Variants in ANKRD30A observed in about 807,000 individuals in gnomAD.
ANKRD30A encodes ankyrin repeat domain-containing protein 30A.
In ANKRD30A, 170 loss-of-function variants were observed where a neutral mutation model predicts 166.3. The ratio of observed to expected loss-of-function variants is 1.02; its 90% CI spans 0.90 to 1.16. The LOEUF is 1.16. ANKRD30A is among the 50% of genes most tolerant of loss of function. ANKRD30A has a pLI of 0.00. For missense variants in ANKRD30A, 1,630 were observed against 1,518.0 expected (o/e 1.07, Z -1.23); for synonymous variants, 564 against 508.9 (o/e 1.11, Z -1.46).
chr10:37,171,627 GT>G (rs934246373), intron 21 of ANKRD30A, among the ~76,000 whole-genome samples: 1 of 151,706 alleles, frequency 6.6e-6, no homozygotes, highest in African/African-American at 2.4e-5. Flanking sequence ...AGGTTTTAAA[GT>G]GCCAAATAAC....
the ANKRD30A span, among the ~76,000 whole-genome samples, chr10:37,244,803 C>T: frequency 6.6e-6 from 1 of 152,194 alleles, no homozygotes; most frequent in Non-Finnish European, 1.5e-5. Context: ...TATTCTATTT[C>T]ACCCACCATT....
At chr10:37,231,917 G>A (rs1418610662) in intron 35 of ANKRD30A, among the ~76,000 whole-genome samples, 2 of 151,966 alleles carry the variant, frequency 1.3e-5, no homozygotes, top group Non-Finnish European at 2.9e-5. Context: ...AACACATTTT[G>A]AATTGCTTTA....
the ANKRD30A span, among the ~76,000 whole-genome samples, chr10:37,255,109 G>A: frequency 6.6e-6 from 1 of 152,100 alleles, no homozygotes; most frequent in African/African-American, 2.4e-5. Context: ...CAAACCCAAG[G>A]CCATAAAGGT....
chr10:37,203,784 GC>G (rs1183705865), intron 31 of ANKRD30A, among the ~76,000 whole-genome samples: 2 of 152,188 alleles, frequency 1.3e-5, no homozygotes, highest in African/African-American at 4.8e-5. Context: ...AGCAGCATCA[GC>G]AAAGTCTCAG....
chr10:37,164,497 C>T (rs548525329), intron 17 of ANKRD30A, among the ~76,000 whole-genome samples: 1 of 152,100 alleles, frequency 6.6e-6, no homozygotes, highest in East Asian at 1.9e-4. Context: ...TGAAGCAGTT[C>T]TTAATTTATA....
At chr10:37,229,350 G>A (rs1254207187) in intron 34 of ANKRD30A, among the ~76,000 whole-genome samples, 1 of 151,834 alleles carries the variant, frequency 6.6e-6, no homozygotes, top group African/African-American at 2.4e-5. Flanking sequence ...GAGATGAATT[G>A]TTTTATATTT....
At chr10:37,132,134 A>T in intron 3 of ANKRD30A, 106 bp from the exon 4 acceptor site, 1 of 724,738 alleles carries the variant, frequency 1.4e-6, no homozygotes, top group East Asian at 3.1e-5. Context: ...CTATTGATTT[A>T]CTTTCTATTT....
chr10:37,206,801 A>C (rs1842019137), intron 31 of ANKRD30A, among the ~76,000 whole-genome samples: 1 of 151,646 alleles, frequency 6.6e-6, no homozygotes, highest in Admixed American at 6.6e-5. Flanking sequence ...TCTCAAAAAA[A>C]ATAAAAATGA....
intron 31 of ANKRD30A, among the ~76,000 whole-genome samples, chr10:37,214,004 G>T (rs892883355): frequency 1.3e-5 from 2 of 151,524 alleles, no homozygotes; most frequent in Admixed American, 1.3e-4. Flanking sequence ...TGAGTAAGGG[G>T]TTTAGAAATT....
At chr10:37,226,140 G>A (rs1843139679) in intron 34 of ANKRD30A, among the ~76,000 whole-genome samples, 1 of 150,578 alleles carries the variant, frequency 6.6e-6, no homozygotes, top group South Asian at 2.1e-4. Context: ...AAGTTCTAGG[G>A]TACATGTGCA....
intron 34 of ANKRD30A, among the ~76,000 whole-genome samples, chr10:37,221,196 G>C (rs1245223889): frequency 1.3e-5 from 2 of 151,044 alleles, no homozygotes; most frequent in African/African-American, 4.8e-5. Context: ...AGTGGATTCA[G>C]TAATAAGCAG....
At chr10:37,201,893 G>T (rs1841648163) in intron 31 of ANKRD30A, among the ~76,000 whole-genome samples, 1 of 152,056 alleles carries the variant, frequency 6.6e-6, no homozygotes, top group South Asian at 2.1e-4. Flanking sequence ...TGTCTGCATG[G>T]CCACACATGT....
chr10:37,209,687 T>C (rs184153615), intron 31 of ANKRD30A, among the ~76,000 whole-genome samples: 1,705 of 152,288 alleles, frequency 0.011, 17 homozygotes, highest in Non-Finnish European at 0.017. Flanking sequence ...CCTCTTTTTT[T>C]CTAAAATATT....
At chr10:37,133,408 A>AT (rs1271369343) in intron 4 of ANKRD30A, among the ~76,000 whole-genome samples, 1 of 152,222 alleles carries the variant, frequency 6.6e-6, no homozygotes, top group African/African-American at 2.4e-5. Flanking sequence ...GAATAATAAT[A>AT]TGTCCTTTAA....
chr10:37,219,411 A>C lies in ANKRD30A; in HGVS notation c.3699A>C (p.Arg1233Ser), dbSNP rs1842768557. 3 of 1,610,558 alleles carry C rather than the reference A, an allele frequency of 1.9e-6. No homozygotes were observed. In the East Asian group the frequency reaches 6.7e-5, roughly 36 times the overall value. The part of the protein sequence containing the change: ...FHIAGDACLQ[R>S]KMNVDVSSTI... ...TTGCAGGAGATGCTTGTTTGCAAAG[A>C]AAAATGAATGTTGATGTGAGTAGTA... is the stretch of plus-strand genomic sequence containing the variant. Residue 1233 changes from arginine (R) to serine (S), a missense_variant, in exon 34 of 36, where the codon AGA becomes AGC. This residue lies in a region of ANKRD30A where 712 missense variants were observed against 629.3 expected (regional missense o/e 1.13). Coordinates refer to ENST00000361713, the MANE Select transcript of ANKRD30A (RefSeq NM_052997.3).
rs553554204 is a variant in ANKRD30A, at chr10:37,172,067, C to T, written c.2258-1645C>T. On this transcript the variant is annotated intron_variant, in intron 21 of 35. Coordinates refer to ENST00000361713, the MANE Select transcript of ANKRD30A (RefSeq NM_052997.3). ...ACTTATTTATTTAAAAAATGGTGAC[C>T]GGGTGCGGTGGCTCACGTCTGTAAT... is the stretch of plus-strand genomic sequence containing the variant. Among the ~76,000 whole-genome samples the T allele has an allele frequency of 2.4e-3, 333 of 140,922 alleles. 3 individuals carry two copies. Among genetic ancestry groups the T allele is most frequent in the Non-Finnish European group, 3.2e-3 (203 of 64,158 alleles). The allele number at this position is 140,922 out of a possible 152,430, so 92.5% of individuals were successfully genotyped here. A position where few individuals can be genotyped will look rare whatever the true frequency, so the allele number is the denominator to read the frequency against.
chr10:37,139,742 T>C (rs1050689251), intron 6 of ANKRD30A, among the ~76,000 whole-genome samples: 1 of 152,206 alleles, frequency 6.6e-6, no homozygotes. Context: ...GATTGATTGA[T>C]TGTAGAGACA....
At chr10:37,158,263 C>T (rs1838535043) in intron 13 of ANKRD30A, 129 bp from the exon 14 acceptor site, 5 of 1,410,440 alleles carry the variant, frequency 3.5e-6, no homozygotes, top group Non-Finnish European at 4.8e-6. Context: ...CCAAAAGACC[C>T]CAAAACATAG....
intron 15 of ANKRD30A, among the ~76,000 whole-genome samples, chr10:37,162,047 T>G (rs986103322): frequency 2.0e-5 from 3 of 152,204 alleles, no homozygotes; most frequent in African/African-American, 7.2e-5. Flanking sequence ...ATGATGAGTT[T>G]TACACATCTT....
Sources: allele counts gnomAD v4.1 joint callset (sites outside exome capture counted in the v4.1 genomes callset), GRCh38; gene constraint gnomAD v4.1.1; regional missense constraint gnomAD v4.1.1; transcripts MANE v1.5; gene names NCBI Gene and HGNC (gene_info 2026-07-23, HGNC 2026-07-21).